Variants in TNR observed in about 807,000 individuals in gnomAD.
TNR encodes the protein tenascin-R.
TNR carries 45 observed loss-of-function variants against 150.4 expected under a neutral mutation model. The observed-to-expected ratio is 0.30, with a 90% CI of 0.24 to 0.38. The LOEUF (loss-of-function observed/expected upper bound fraction) is 0.38, where lower values mean the gene tolerates loss of function less well. Among genes scored for constraint, TNR ranks in the 10% least tolerant of loss-of-function variants. TNR has a pLI of 1.00. For missense variants in TNR, 1,544 were observed against 1,759.1 expected, an observed-to-expected ratio of 0.88 and a Z score of 2.19; for synonymous variants, 687 against 678.4, an observed-to-expected ratio of 1.01 and a Z score of -0.20.
chr1:175,577,368 C>G (rs574286011), intron 1 of TNR, among the ~76,000 whole-genome samples: 1 of 152,276 alleles, frequency 6.6e-6, no homozygotes, highest in African/African-American at 2.4e-5. Context: ...TTTTACTTGA[C>G]CAAGTGACCT....
At chr1:175,354,960 G>A (rs971013854) in intron 17 of TNR, among the ~76,000 whole-genome samples, 1 of 152,158 alleles carries the variant, frequency 6.6e-6, no homozygotes, top group Non-Finnish European at 1.5e-5. Context: ...GAAAATCAGT[G>A]TTCTGGATGA....
chr1:175,631,782 C>T (rs184075638), intron 1 of TNR, among the ~76,000 whole-genome samples: 3 of 152,158 alleles, frequency 2.0e-5, no homozygotes, highest in Non-Finnish European at 4.4e-5. Flanking sequence ...AGGACACACA[C>T]CAAACTCTAA....
intron 1 of TNR, among the ~76,000 whole-genome samples, chr1:175,563,910 C>T (rs1661532203): frequency 6.6e-6 from 1 of 152,130 alleles, no homozygotes; most frequent in African/African-American, 2.4e-5. Context: ...AAGGCTCACG[C>T]CACCCTTCTC....
intron 1 of TNR, among the ~76,000 whole-genome samples, chr1:175,589,962 G>A (rs916239961): frequency 2.6e-5 from 4 of 152,022 alleles, no homozygotes; most frequent in Non-Finnish European, 5.9e-5. Flanking sequence ...AAATCTGCAC[G>A]TTTTGCACAT....
At chr1:175,482,282 C>T (rs967746712) in intron 2 of TNR, among the ~76,000 whole-genome samples, 2 of 152,200 alleles carry the variant, frequency 1.3e-5, no homozygotes, top group Admixed American at 6.5e-5. Flanking sequence ...ATTTATGTCA[C>T]ATGGATACAG....
chr1:175,365,751 T>G, intron 11 of TNR, 124 bp downstream of exon 11: 3 of 1,412,640 alleles, frequency 2.1e-6, no homozygotes, highest in Non-Finnish European at 2.9e-6. Flanking sequence ...CTCTATCCTT[T>G]TCTACCCACC....
chr1:175,478,367 G>A (rs1370762370), intron 2 of TNR, among the ~76,000 whole-genome samples: 1 of 152,192 alleles, frequency 6.6e-6, no homozygotes, highest in African/African-American at 2.4e-5. Context: ...AGAAAGCAGA[G>A]TGCAATCGAG....
intron 1 of TNR, among the ~76,000 whole-genome samples, chr1:175,588,855 C>T (rs1003676740): frequency 3.9e-5 from 6 of 152,176 alleles, no homozygotes; most frequent in Non-Finnish European, 7.3e-5. Context: ...AATTCTGGGC[C>T]AGTGCCTCTC....
At chr1:175,347,127 C>G (rs549033713) in intron 18 of TNR, among the ~76,000 whole-genome samples, 19 of 152,028 alleles carry the variant, frequency 1.2e-4, no homozygotes, top group Admixed American at 2.0e-4. Flanking sequence ...GGAGAGATTT[C>G]TCTAAGGATT....
At chr1:175,579,216 C>T (rs1207388146) in intron 1 of TNR, among the ~76,000 whole-genome samples, 2 of 149,506 alleles carry the variant, frequency 1.3e-5, no homozygotes, top group Non-Finnish European at 3.0e-5. Flanking sequence ...TTCTTTCCTT[C>T]CTTCCTTCTT....
chr1:175,673,681 C>A (rs911111074), intron 1 of TNR, among the ~76,000 whole-genome samples: 5 of 152,226 alleles, frequency 3.3e-5, no homozygotes, highest in South Asian at 2.1e-4. Flanking sequence ...AGTGAGTAAA[C>A]ACTTCCCCTC....
chr1:175,742,994 A>ACACACACACACACACC (rs1491394442), intron 1 of TNR, among the ~76,000 whole-genome samples: 5 of 138,230 alleles, frequency 3.6e-5, no homozygotes, highest in African/African-American at 1.3e-4. Context: ...ACACACACAC[A>ACACACACACACACACC]CCCGCAAGGC....
In TNR at chr1:175,501,515, G is replaced by A. The variant is rs143062082; in HGVS notation, c.-64+26754C>T. ...TTGATTGCAGCCTTGTGAGGCCTGG[G>A]CAGAGGACCCAGCTATGTCATGCCC... On this transcript the variant is annotated intron_variant, in intron 2 of 22. Coordinates refer to ENST00000367674, the MANE Select transcript of TNR (RefSeq NM_003285.3). Among the ~76,000 whole-genome samples, 5 of 152,318 alleles carry A rather than the reference G, an allele frequency of 3.3e-5. No individual in the cohort carries two copies. The East Asian group carries it at 7.7e-4, about 23-fold the overall frequency.
chr1:175,667,666 C>G (rs1191003173), intron 1 of TNR, among the ~76,000 whole-genome samples: 1 of 152,182 alleles, frequency 6.6e-6, no homozygotes, highest in Non-Finnish European at 1.5e-5. Context: ...TTGTCGGGAG[C>G]AGCTGATGTG....
intron 1 of TNR, among the ~76,000 whole-genome samples, chr1:175,674,277 TCTTTTTACCATGAGATAG>T (rs1665791653): frequency 6.6e-6 from 1 of 152,194 alleles, no homozygotes; most frequent in African/African-American, 2.4e-5. Context: ...CATTTTCTTT[TCTTTTTACCATGAGATAG>T]CTCCCCTCCT....
At chr1:175,622,731 A>C (rs755944647) in intron 1 of TNR, among the ~76,000 whole-genome samples, 1 of 152,240 alleles carries the variant, frequency 6.6e-6, no homozygotes, top group Non-Finnish European at 1.5e-5. Context: ...TCTGATAGTT[A>C]TGGAAGCTAA....
At chr1:175,646,891 T>C (rs555894044) in intron 1 of TNR, among the ~76,000 whole-genome samples, 3 of 152,368 alleles carry the variant, frequency 2.0e-5, no homozygotes, top group Admixed American at 6.5e-5. Flanking sequence ...TACTCACATT[T>C]TGGGATCCAA....
chr1:175,576,477 T>A (rs372126651), intron 1 of TNR, among the ~76,000 whole-genome samples: 3 of 152,160 alleles, frequency 2.0e-5, no homozygotes, highest in Admixed American at 2.0e-4. Flanking sequence ...TTACCATCTA[T>A]CACCAATGAT....
At chr1:175,427,836 TC>T (rs1655076693) in intron 2 of TNR, among the ~76,000 whole-genome samples, 1 of 139,500 alleles carries the variant, frequency 7.2e-6, no homozygotes. Flanking sequence ...CTTTCCTCCC[TC>T]CCTTCCCTCT....
Sources: allele counts gnomAD v4.1 joint callset (sites outside exome capture counted in the v4.1 genomes callset), GRCh38; gene constraint gnomAD v4.1.1; transcripts MANE v1.5; gene names NCBI Gene and HGNC (gene_info 2026-07-23, HGNC 2026-07-21).